Variants in PCDH17 observed in about 807,000 individuals in gnomAD.
PCDH17 encodes the protein protocadherin-17.
PCDH17 carries 21 observed loss-of-function variants against 67.7 expected under a neutral mutation model. The observed-to-expected ratio is 0.31, with a 90% CI of 0.22 to 0.45. The LOEUF (loss-of-function observed/expected upper bound fraction) is 0.45, where lower values mean the gene tolerates loss of function less well. Among genes scored for constraint, PCDH17 ranks in the 20% least tolerant of loss-of-function variants. The pLI is 1.00. For missense variants in PCDH17, 1,471 were observed against 1,564.8 expected (o/e 0.94, Z 1.01); for synonymous variants, 701 against 656.7 (o/e 1.07, Z -1.03).
At chr13:57,645,549 TACC>T (rs758938720) in intron 1 of PCDH17, among the ~76,000 whole-genome samples, 33 of 151,528 alleles carry the variant, frequency 2.2e-4, no homozygotes, top group Non-Finnish European at 3.5e-4. Context: ...AATTTATAGT[TACC>T]ACTTTTGTAA....
chr13:57,704,180 G>T (rs1374608524), intron 3 of PCDH17, among the ~76,000 whole-genome samples: 1 of 151,982 alleles, frequency 6.6e-6, no homozygotes, highest in Admixed American at 6.6e-5. Context: ...ATCACAACCC[G>T]GCTGTACCTG....
chr13:57,686,495 A>C (rs1955509304), intron 3 of PCDH17, among the ~76,000 whole-genome samples: 1 of 151,976 alleles, frequency 6.6e-6, no homozygotes, highest in African/African-American at 2.4e-5. Context: ...ATGATATCAA[A>C]GGGGCCAGTC....
chr13:57,638,517 G>A (rs961936306), intron 1 of PCDH17, among the ~76,000 whole-genome samples: 4 of 152,000 alleles, frequency 2.6e-5, no homozygotes, highest in African/African-American at 9.7e-5. Flanking sequence ...CATTGAGCCA[G>A]CAGAATAAGA....
At chr13:57,700,538 C>T (rs189420274) in intron 3 of PCDH17, among the ~76,000 whole-genome samples, 1 of 151,890 alleles carries the variant, frequency 6.6e-6, no homozygotes, top group Non-Finnish European at 1.5e-5. Flanking sequence ...AGGATGGTCT[C>T]GATCTCTTGA....
rs1264907573 is a variant in PCDH17 at position 57,634,550 on chromosome 13, C to T, written c.2004C>T (p.His668=). The part of the protein sequence containing the change: ...VVELVVKVTD[H]GKPTLSAVAK... ...AGCTGGTGGTGAAGGTGACCGACCACGGCAAGCCTACCCTGTCCGCAGTGG... is the reference window on the plus strand; with the variant it reads ...AGCTGGTGGTGAAGGTGACCGACCATGGCAAGCCTACCCTGTCCGCAGTGG... Residue 668 remains histidine, a synonymous_variant, in exon 1 of 4, where the codon CAC becomes CAT. Transcript: ENST00000377918. The surrounding 1 kb of genome is among the most constrained non-coding windows in gnomAD (Gnocchi z 7.8). 5 of 1,612,864 alleles carry T rather than the reference C, an allele frequency of 3.1e-6. No homozygotes were observed. In the African/African-American group the frequency reaches 4.0e-5, roughly 13 times the overall value.
chr13:57,691,454 T>C (rs1383927380), intron 3 of PCDH17, among the ~76,000 whole-genome samples: 1 of 151,108 alleles, frequency 6.6e-6, no homozygotes, highest in Non-Finnish European at 1.5e-5. Flanking sequence ...TAAAAACTAA[T>C]CATGGAGGAG....
intron 1 of PCDH17, among the ~76,000 whole-genome samples, chr13:57,664,688 C>G (rs925500932): frequency 6.6e-6 from 1 of 151,992 alleles, no homozygotes. Flanking sequence ...TTGAAGTGTT[C>G]TAAAACACTT....
chr13:57,700,938 A>AG (rs1955657530), intron 3 of PCDH17, among the ~76,000 whole-genome samples: 1 of 152,050 alleles, frequency 6.6e-6, no homozygotes. Context: ...TTGAGGCAGG[A>AG]GGAACAATGA....
intron 3 of PCDH17, among the ~76,000 whole-genome samples, chr13:57,720,892 C>T (rs1955866910): frequency 2.0e-5 from 3 of 151,968 alleles, no homozygotes; most frequent in African/African-American, 7.2e-5. Flanking sequence ...TAGATACTTC[C>T]CTTTGAGGCT....
At chr13:57,699,249 A>G (rs914594092) in intron 3 of PCDH17, among the ~76,000 whole-genome samples, 2 of 152,102 alleles carry the variant, frequency 1.3e-5, no homozygotes, top group African/African-American at 4.8e-5. Context: ...TAAAGTGTGT[A>G]TGTGTTCATG....
At chr13:57,709,093 AAT>A (rs913077891) in intron 3 of PCDH17, among the ~76,000 whole-genome samples, 2 of 144,094 alleles carry the variant, frequency 1.4e-5, no homozygotes, top group African/African-American at 5.1e-5. Context: ...ATGTTACAGA[AAT>A]ATATATATGT....
At chr13:57,663,729 T>C (rs576313210) in intron 1 of PCDH17, among the ~76,000 whole-genome samples, 5 of 152,194 alleles carry the variant, frequency 3.3e-5, no homozygotes, top group Non-Finnish European at 7.4e-5. Flanking sequence ...CTGCTAGTGA[T>C]TGAATTGCAA....
At chr13:57,661,812 C>T (rs4408437) in intron 1 of PCDH17, among the ~76,000 whole-genome samples, 122,953 of 152,074 alleles carry the variant, frequency 0.81, 49,840 homozygotes, top group South Asian at 0.89. Flanking sequence ...TATGTATTCA[C>T]TCGTTTGGCA....
chr13:57,672,113 A>G (rs1028386797), intron 3 of PCDH17, among the ~76,000 whole-genome samples: 2 of 152,052 alleles, frequency 1.3e-5, no homozygotes, highest in Non-Finnish European at 2.9e-5. Flanking sequence ...TTTAAAATCC[A>G]TGAAAAGTTG....
At position 57,724,601 on chromosome 13, in the gene PCDH17, T is replaced by A. The variant is rs1217144502; in HGVS notation, c.2798-11T>A. On this transcript the variant is annotated splice_polypyrimidine_tract_variant and intron_variant, in intron 3 of 3. Coordinates refer to ENST00000377918, the MANE Select transcript of PCDH17 (RefSeq NM_001040429.3). ...ATGATTGGATTTGCTGTTTTCTCTT[T>A]TGTTTTGCAGAACCAGAAGAGTGTG... 6.3e-7 allele frequency: 1 copy of A among 1,596,446 alleles called. No individual in the cohort carries two copies. The highest frequency in any genetic ancestry group is 2.2e-5 in the East Asian group (1 of 44,464).
At chr13:57,659,135 ACACACACACT>A (rs1955150950) in intron 1 of PCDH17, among the ~76,000 whole-genome samples, 1 of 114,412 alleles carries the variant, frequency 8.7e-6, no homozygotes, top group African/African-American at 2.8e-5. Flanking sequence ...GTGTGTGTAT[ACACACACACT>A]CACATATATA....
At chr13:57,674,985 T>C (rs935061800) in intron 3 of PCDH17, among the ~76,000 whole-genome samples, 1 of 151,854 alleles carries the variant, frequency 6.6e-6, no homozygotes, top group Non-Finnish European at 1.5e-5. Context: ...AGGTTTGTGG[T>C]TTTCCACTGT....
Position 57,631,876 on chromosome 13 carries a change from A to G in PCDH17, c.-671A>G, listed in dbSNP as rs925860198. 3.9e-5 allele frequency: 6 copies of G among 152,332 alleles called. No homozygotes were observed. Among genetic ancestry groups the G allele is most frequent in the African/African-American group, 1.4e-4 (6 of 41,442 alleles). The allele number at this position is 152,332 out of a possible 1,614,324, so 9.4% of individuals were successfully genotyped here. A position where few individuals can be genotyped will look rare whatever the true frequency, so the allele number is the denominator to read the frequency against. On this transcript the variant is annotated 5_prime_UTR_variant, in exon 1 of 4. Transcript: ENST00000377918. ...CAAGATTAGATCTCTAAATGCAGCA[A>G]AACACTGCCTGAAAACAGACCGGCC...
chr13:57,712,640 T>C (rs1461324920), intron 3 of PCDH17, among the ~76,000 whole-genome samples: 1 of 151,586 alleles, frequency 6.6e-6, no homozygotes, highest in Admixed American at 6.6e-5. Flanking sequence ...TGAAAATACC[T>C]TTGGTAGCAA....
Sources: allele counts gnomAD v4.1 joint callset (sites outside exome capture counted in the v4.1 genomes callset), GRCh38; gene constraint gnomAD v4.1.1; non-coding constraint Gnocchi (gnomAD v3.1); transcripts MANE v1.5; gene names NCBI Gene and HGNC (gene_info 2026-07-23, HGNC 2026-07-21).